Variants in COX4I1 observed in about 807,000 individuals in gnomAD.
The protein encoded by COX4I1 is cytochrome c oxidase subunit 4I1.
COX4I1 carries 18 observed loss-of-function variants against 21.7 expected under a neutral mutation model. The observed-to-expected ratio is 0.83, with a 90% CI of 0.57 to 1.23. The LOEUF is 1.23. Among genes scored for constraint, COX4I1 ranks in the 50% most tolerant of loss-of-function variants. The pLI, the probability that COX4I1 is intolerant of heterozygous loss-of-function variation, is 0.00. For synonymous variants in COX4I1, 100 were observed against 81.5 expected (o/e 1.23, Z -1.23); for missense variants, 238 against 220.7 (o/e 1.08, Z -0.50).
chr16:85,801,519 C>T (rs1042538301), intron 2 of COX4I1, among the ~76,000 whole-genome samples: 2 of 141,828 alleles, frequency 1.4e-5, no homozygotes, highest in Non-Finnish European at 3.1e-5. Flanking sequence ...CCTTCCGTTC[C>T]ACTTTTTTAA....
chr16:85,805,417 T>C (rs1906112188), intron 3 of COX4I1: 1 of 524,590 alleles, frequency 1.9e-6, no homozygotes, highest in Admixed American at 3.4e-5. Context: ...GCATAGTGTT[T>C]GGTATGAAAG....
intron 1 of COX4I1, among the ~76,000 whole-genome samples, chr16:85,800,106 T>A (rs957687478): frequency 6.6e-6 from 1 of 152,176 alleles, no homozygotes; most frequent in Non-Finnish European, 1.5e-5. Context: ...AAGGTCCCTG[T>A]GCAACCCCTC....
chr16:85,801,189 C>T lies in COX4I1; in HGVS notation c.-1-16C>T. 1 of 1,596,496 alleles carries T rather than the reference C, an allele frequency of 6.3e-7. No individual in the cohort carries two copies. The highest frequency in any genetic ancestry group is 8.6e-7 in the Non-Finnish European group (1 of 1,165,474). On this transcript the variant is annotated splice_polypyrimidine_tract_variant and intron_variant, in intron 1 of 4. Transcript: ENST00000253452. ...TGTCCTTATTCATAGAGAAGGTGTA[C>T]ATTTTTATCTTTCAGAATGTTGGCT...
At chr16:85,802,852 T>C (rs1319192798) in intron 2 of COX4I1, among the ~76,000 whole-genome samples, 2 of 152,264 alleles carry the variant, frequency 1.3e-5, no homozygotes, top group African/African-American at 4.8e-5. Context: ...GCCATTCTTA[T>C]TCTGGAAGAT....
chr16:85,801,654 G>A (rs1905774750), intron 2 of COX4I1, among the ~76,000 whole-genome samples: 1 of 152,072 alleles, frequency 6.6e-6, no homozygotes, highest in Non-Finnish European at 1.5e-5. Context: ...CATTATAGAG[G>A]CAATGGAAAC....
In COX4I1 at chr16:85,804,954, G is replaced by A. The variant is rs771968237; in HGVS notation, c.91G>A (p.Glu31Lys). Residue 31 changes from glutamate to lysine, a missense_variant, in exon 3 of 5, where the codon GAA (glutamate) becomes AAA (lysine). Transcript: ENST00000253452. Reference protein sequence around the residue: ...VRAHESVVKSEDFSLPAYMDR... With the variant: ...VRAHESVVKSKDFSLPAYMDR... Reference sequence around the variant, plus strand: ...TTTTTCAGAAAGTGTTGTGAAGAGCGAAGACTTTTCGCTCCCAGCTTATAT... The same window carrying A: ...TTTTTCAGAAAGTGTTGTGAAGAGCAAAGACTTTTCGCTCCCAGCTTATAT... 1 of 1,609,854 alleles carries A rather than the reference G, an allele frequency of 6.2e-7. No individual in the cohort carries two copies.
intron 1 of COX4I1, among the ~76,000 whole-genome samples, chr16:85,800,374 T>C (rs890647680): frequency 5.9e-5 from 9 of 152,190 alleles, no homozygotes; most frequent in African/African-American, 1.9e-4. Context: ...GGGGGTCTCA[T>C]AGGTTTTCCG....
At chr16:85,803,895 C>A (rs1905960477) in intron 2 of COX4I1, 1 of 152,306 alleles carries the variant, frequency 6.6e-6, no homozygotes, top group Non-Finnish European at 1.5e-5. Flanking sequence ...TCCACACATT[C>A]CTGATGCCCC....
intron 4 of COX4I1, 45 bp downstream of exon 4, chr16:85,805,909 C>T (rs140124307): frequency 6.2e-7 from 1 of 1,611,978 alleles, no homozygotes; most frequent in South Asian, 1.1e-5. Context: ...ACTGGGGCTC[C>T]AGCCTGCAGT....
chr16:85,806,931 A>C lies in COX4I1; in HGVS notation c.*57A>C. ...GGCTCTGTCACCGCCATGCAACTCCATGCCTATTTACTGGAAACCTGTTAT... is the reference window on the plus strand; with the variant it reads ...GGCTCTGTCACCGCCATGCAACTCCCTGCCTATTTACTGGAAACCTGTTAT... On this transcript the variant is annotated 3_prime_UTR_variant, in exon 5 of 5. Coordinates refer to ENST00000253452, the MANE Select transcript of COX4I1 (RefSeq NM_001861.6). The C allele has an allele frequency of 6.4e-7, 1 of 1,560,012 alleles. No homozygotes were observed. The highest frequency in any genetic ancestry group is 8.7e-7 in the Non-Finnish European group (1 of 1,148,538).
chr16:85,802,347 G>T (rs908944156), intron 2 of COX4I1, among the ~76,000 whole-genome samples: 3 of 152,208 alleles, frequency 2.0e-5, no homozygotes, highest in African/African-American at 7.2e-5. Flanking sequence ...GATGCCTCAT[G>T]AATGCATGTC....
At chr16:85,806,451 T>A (rs1906208205) in intron 4 of COX4I1, 1 of 703,266 alleles carries the variant, frequency 1.4e-6, no homozygotes, top group Admixed American at 2.0e-5. Flanking sequence ...TATTTGATCT[T>A]CCAGGTCACC....
At chr16:85,806,565 A>C in intron 4 of COX4I1, 173 bp from the exon 5 acceptor site, 1 of 916,688 alleles carries the variant, frequency 1.1e-6, no homozygotes, top group Non-Finnish European at 1.8e-6. Context: ...GGCTAATTTT[A>C]AAATGTCAGT....
chr16:85,804,814 C>T lies in COX4I1; in HGVS notation c.74-123C>T, dbSNP rs894733388. The stretch of plus-strand genomic sequence containing the variant: ...CAACTGTTTAAACAGTGGCTGTGAC[C>T]CCCTGAGATGATCCAGGGTTTCAAG... On this transcript the variant is annotated intron_variant, in intron 2 of 4. Coordinates refer to ENST00000253452, the MANE Select transcript of COX4I1 (RefSeq NM_001861.6). 5 of 787,244 alleles carry T rather than the reference C, an allele frequency of 6.4e-6. No homozygotes were observed. The African/African-American group carries it at 7.0e-5, about 11-fold the overall frequency. 48.8% of individuals were successfully genotyped at this position (787,244 alleles called of 1,614,324 possible).
intron 3 of COX4I1, chr16:85,805,353 T>C: frequency 1.9e-6 from 1 of 533,332 alleles, no homozygotes; most frequent in Non-Finnish European, 3.3e-6. Context: ...TCTCAGCATA[T>C]CTGCTGGGTA....
intron 4 of COX4I1, 86 bp downstream of exon 4, chr16:85,805,950 AC>A: frequency 6.4e-7 from 1 of 1,555,572 alleles, no homozygotes. Context: ...GGACCTCCAT[AC>A]CTTGAGGCTA....
chr16:85,805,223 C>G (rs1906097512), intron 3 of COX4I1, 119 bp downstream of exon 3: 1 of 1,098,316 alleles, frequency 9.1e-7, no homozygotes, highest in Non-Finnish European at 1.3e-6. Flanking sequence ...GAGGGTTGCT[C>G]TGCTGGGTTT....
chr16:85,806,000 G>A, intron 4 of COX4I1, 136 bp downstream of exon 4: 1 of 1,279,728 alleles, frequency 7.8e-7, no homozygotes, highest in Non-Finnish European at 1.1e-6. Flanking sequence ...TCTCAGGATT[G>A]TTTCCAGGCC....
In COX4I1 at chr16:85,806,884, GCCTGCGCCTGCA is replaced by G; in HGVS notation, c.*21_*32del. 1 of 1,609,102 alleles carries G rather than the reference GCCTGCGCCTGCA, an allele frequency of 6.2e-7. No individual in the cohort carries two copies. Among genetic ancestry groups the G allele is most frequent in the South Asian group, 1.1e-5 (1 of 90,368 alleles). Reference sequence around the variant, plus strand: ...CGAGTGGAAGAAGTGAGAGATGCTGGCCTGCGCCTGCACCTGCGCCTGGCTCTGTCACCGCCA... The same window carrying G: ...CGAGTGGAAGAAGTGAGAGATGCTGGCCTGCGCCTGGCTCTGTCACCGCCA... On this transcript the variant is annotated 3_prime_UTR_variant, in exon 5 of 5. Transcript: ENST00000253452.
Sources: gnomAD v4.1 joint callset for allele counts (sites outside exome capture counted in the v4.1 genomes callset) on GRCh38, gnomAD v4.1.1 for gene constraint, MANE v1.5 for transcripts, NCBI Gene and HGNC (gene_info 2026-07-23, HGNC 2026-07-21) for gene names.